The following SAFB2 variants were observed in gnomAD, a reference collection of about 807,000 sequenced individuals.
The protein encoded by SAFB2 is scaffold attachment factor B2.
SAFB2 carries 32 observed loss-of-function variants against 100.6 expected under a neutral mutation model. That is an observed-to-expected ratio of 0.32 (90% CI 0.24 to 0.43). SAFB2 has a LOEUF of 0.43. Ranked by LOEUF, SAFB2 falls within the 20% of genes least tolerant of loss-of-function variation. SAFB2 has a pLI of 1.00. For missense variants in SAFB2, 1,185 were observed against 1,163.4 expected (o/e 1.02, Z -0.27); for synonymous variants, 500 against 439.4 (o/e 1.14, Z -1.72).
Position 5,619,713 on chromosome 19 carries a change from C to T in SAFB2, c.274+1596G>A, listed in dbSNP as rs796083031. Among the ~76,000 whole-genome samples, 6 of 152,102 alleles carry T rather than the reference C, an allele frequency of 3.9e-5. 1 individual carries two copies. Among genetic ancestry groups the T allele is most frequent in the African/African-American group, 1.2e-4 (5 of 41,498 alleles). ...ATAAAAAAGTAGCTGGGCGTGGCGA[C>T]GGGCACCTGTAATCGCAGCTACTCA... On this transcript the variant is annotated intron_variant, in intron 2 of 20. Transcript: ENST00000252542.
chr19:5,591,815 T>C (rs2052412799), intron 16 of SAFB2, 22 bp from the exon 17 acceptor site: 1 of 1,613,564 alleles, frequency 6.2e-7, no homozygotes, highest in Non-Finnish European at 8.5e-7. Context: ...AAAGATCCCG[T>C]TCAAACAGCA....
chr19:5,610,106 A>AG lies in SAFB2; in HGVS notation c.1196-12dup. ...CGCTGCCGACCCGACCTGGCACGAG[A>AG]GGGAGATTCTTAGGCATCACCCCAA... On this transcript the variant is annotated splice_polypyrimidine_tract_variant and intron_variant, in intron 8 of 20. Coordinates refer to ENST00000252542, the MANE Select transcript of SAFB2 (RefSeq NM_014649.3). The AG allele has an allele frequency of 1.2e-6, 2 of 1,612,774 alleles. No individual in the cohort carries two copies. The highest frequency in any genetic ancestry group is 1.7e-6 in the Non-Finnish European group (2 of 1,178,958).
intron 14 of SAFB2, among the ~76,000 whole-genome samples, chr19:5,594,952 A>T (rs1405259989): frequency 2.0e-5 from 3 of 152,144 alleles, no homozygotes; most frequent in Non-Finnish European, 2.9e-5. Context: ...GGGCTCCAGC[A>T]ATCCTCCCAC....
At position 5,610,179 on chromosome 19, in the gene SAFB2, A is replaced by G. The variant is rs1173060865; in HGVS notation, c.1196-84T>C. 2.7e-6 allele frequency: 3 copies of G among 1,118,076 alleles called. No individual in the cohort carries two copies. The East Asian group carries it at 7.6e-5, about 28-fold the overall frequency. The allele number at this position is 1,118,076 out of a possible 1,614,324, so 69.3% of individuals were successfully genotyped here. ...TTCTTAAGACCGCAGCCCTCTTTAA[A>G]AACCCTAACGACGCCCAATCCCAAC... is the stretch of plus-strand genomic sequence containing the variant. On this transcript the variant is annotated intron_variant, in intron 8 of 20. Coordinates refer to ENST00000252542, the MANE Select transcript of SAFB2 (RefSeq NM_014649.3).
At chr19:5,592,201 T>C (rs758772908) in intron 16 of SAFB2, among the ~76,000 whole-genome samples, 7 of 152,092 alleles carry the variant, frequency 4.6e-5, no homozygotes, top group Non-Finnish European at 7.4e-5. Flanking sequence ...GCTCTGACAT[T>C]CCGACTGAAG....
chr19:5,610,566 T>C, intron 8 of SAFB2, 73 bp downstream of exon 8: 1 of 1,061,192 alleles, frequency 9.4e-7, no homozygotes, highest in Non-Finnish European at 1.4e-6. Context: ...CCAAAGTGTG[T>C]ATATCTCCAG....
intron 1 of SAFB2, 84 bp from the exon 2 acceptor site, chr19:5,621,480 A>G: frequency 3.3e-6 from 3 of 903,106 alleles, no homozygotes; most frequent in Non-Finnish European, 5.5e-6. Flanking sequence ...CTCCCATGAA[A>G]CAAAGGCAAA....
intron 9 of SAFB2, among the ~76,000 whole-genome samples, chr19:5,606,140 C>CA (rs1188381615): frequency 6.6e-6 from 1 of 152,200 alleles, no homozygotes; most frequent in East Asian, 1.9e-4. Flanking sequence ...ATTCACGGGC[C>CA]ATCAGACCCA....
intron 4 of SAFB2, among the ~76,000 whole-genome samples, chr19:5,615,424 T>C (rs907557532): frequency 6.6e-6 from 1 of 151,182 alleles, no homozygotes; most frequent in Non-Finnish European, 1.5e-5. Context: ...AAACCATTTT[T>C]GAGCTGGGCA....
chr19:5,594,618 G>T (rs970675748), intron 14 of SAFB2, among the ~76,000 whole-genome samples: 39 of 152,140 alleles, frequency 2.6e-4, no homozygotes, highest in Admixed American at 2.6e-3. Context: ...TTTCAACAGG[G>T]AAGACAGGCC....
intron 9 of SAFB2, among the ~76,000 whole-genome samples, chr19:5,605,228 C>T (rs1276736400): frequency 4.6e-5 from 7 of 151,980 alleles, no homozygotes; most frequent in African/African-American, 9.7e-5. Flanking sequence ...CCTCAGCCTC[C>T]GAAGTAGCTG....
Position 5,622,703 on chromosome 19 carries a change from G to C in SAFB2, c.13C>G (p.Leu5Val). The C allele has an allele frequency of 6.2e-7, 1 of 1,603,620 alleles. No individual in the cohort carries two copies. Among genetic ancestry groups the C allele is most frequent in the East Asian group, 2.2e-5 (1 of 44,618 alleles). ...GGGCCCGAGTCGCCCGACCCGGGCA[G>C]AGTCTCCGCCATCGTCGCGTTCCCG... The part of the protein sequence containing the change: MAET[L>V]PGSGDSGPGT... Residue 5 changes from leucine to valine, a missense_variant, in exon 1 of 21, where the codon CTG becomes GTG. Coordinates refer to ENST00000252542, the MANE Select transcript of SAFB2 (RefSeq NM_014649.3).
intron 11 of SAFB2, among the ~76,000 whole-genome samples, chr19:5,603,958 T>C (rs1260758202): frequency 6.6e-6 from 1 of 152,244 alleles, no homozygotes; most frequent in African/African-American, 2.4e-5. Context: ...TTCCAAGGTC[T>C]GAGAGGCTGT....
intron 2 of SAFB2, among the ~76,000 whole-genome samples, chr19:5,618,641 T>TA (rs1339323625): frequency 6.6e-6 from 1 of 152,262 alleles, no homozygotes; most frequent in East Asian, 1.9e-4. Flanking sequence ...CCTTTTGAAA[T>TA]ACGTTGTCTA....
At chr19:5,616,067 C>T in intron 4 of SAFB2, 65 bp downstream of exon 4, 3 of 1,473,010 alleles carry the variant, frequency 2.0e-6, no homozygotes, top group Non-Finnish European at 2.8e-6. Context: ...CTCACACGAG[C>T]AGCACGCGAG....
intron 17 of SAFB2, 147 bp from the exon 18 acceptor site, chr19:5,590,555 G>A (rs2052374260): frequency 1.1e-6 from 1 of 906,140 alleles, no homozygotes; most frequent in Non-Finnish European, 1.6e-6. Context: ...GCCCTGCTGG[G>A]CCCTGCTTCA....
rs1012603664 is a variant in SAFB2 at position 5,609,846 on chromosome 19, C to T, written c.1296+149G>A. 7.5e-6 allele frequency: 5 copies of T among 670,876 alleles called. No homozygotes were observed. The African/African-American group carries it at 8.9e-5, about 12-fold the overall frequency. The allele number at this position is 670,876 out of a possible 1,614,324, so 41.6% of individuals were successfully genotyped here. A position where few individuals can be genotyped will look rare whatever the true frequency, so the allele number is the denominator to read the frequency against. On this transcript the variant is annotated intron_variant, in intron 9 of 20. Coordinates refer to ENST00000252542, the MANE Select transcript of SAFB2 (RefSeq NM_014649.3). ...AAACACAACATCTTGCTATGTTGCC[C>T]AGGCTGGTCTTGAACTCCTGGGCTC...
rs755323257 is a variant in SAFB2 at position 5,587,781 on chromosome 19, A to C, written c.2639-14T>G. 3.9e-6 allele frequency: 6 copies of C among 1,553,246 alleles called. No homozygotes were observed. The highest frequency in any genetic ancestry group is 5.2e-6 in the Non-Finnish European group (6 of 1,148,226). On this transcript the variant is annotated splice_polypyrimidine_tract_variant and intron_variant, in intron 19 of 20. Coordinates refer to ENST00000252542, the MANE Select transcript of SAFB2 (RefSeq NM_014649.3). This position sits in a 1 kb window ranked among gnomAD's most constrained non-coding sequence, Gnocchi z 4.9. Reference sequence around the variant, plus strand: ...CCCTCTCGCCACCTAGAAGAGAAGAAGGGTCTGCAAACACTCCGTTCCTGG... The same window carrying C: ...CCCTCTCGCCACCTAGAAGAGAAGACGGGTCTGCAAACACTCCGTTCCTGG...
intron 18 of SAFB2, among the ~76,000 whole-genome samples, chr19:5,589,196 T>C (rs750084886): frequency 2.0e-5 from 3 of 152,228 alleles, no homozygotes; most frequent in Non-Finnish European, 4.4e-5. Context: ...CTGCTCACCA[T>C]GGGTGAGTTT....
Sources: allele counts gnomAD v4.1 joint callset (sites outside exome capture counted in the v4.1 genomes callset), GRCh38; gene constraint gnomAD v4.1.1; non-coding constraint Gnocchi (gnomAD v3.1); transcripts MANE v1.5; gene names NCBI Gene and HGNC (gene_info 2026-07-23, HGNC 2026-07-21).